The following PRKDC variants were observed in gnomAD, a reference collection of about 807,000 sequenced individuals.
PRKDC encodes the protein DNA-dependent protein kinase catalytic subunit.
Under a neutral mutation model 486.9 loss-of-function variants are expected in PRKDC, and 82 were observed. That is an observed-to-expected ratio of 0.17 (90% CI 0.14 to 0.20). PRKDC has a LOEUF of 0.20. Ranked by LOEUF, PRKDC falls within the 10% of genes least tolerant of loss-of-function variation. The pLI, the probability that PRKDC is intolerant of heterozygous loss-of-function variation, is 1.00. For synonymous variants in PRKDC, 1,895 were observed against 1,837.0 expected (o/e 1.03, Z -0.81); for missense variants, 4,504 against 5,038.2 (o/e 0.89, Z 3.21).
chr8:47,887,450 C>T, intron 35 of PRKDC, 97 bp downstream of exon 35: 1 of 1,210,876 alleles, frequency 8.3e-7, no homozygotes, highest in Non-Finnish European at 1.1e-6. Context: ...CAGCTAAAAC[C>T]TTACTACCCA....
Position 47,929,207 on chromosome 8 carries a change from C to A in PRKDC, c.2053-29G>T, listed in dbSNP as rs759541590. ...TCAAATAAAACAGCAAGTTAGTACA[C>A]TGAACAAGAATCGGGAGACTGTATC... On this transcript the variant is annotated intron_variant, in intron 18 of 85. Coordinates refer to ENST00000314191, the MANE Select transcript of PRKDC (RefSeq NM_006904.7). 4.8e-6 allele frequency: 7 copies of A among 1,443,314 alleles called. No individual in the cohort carries two copies. The African/African-American group carries it at 5.6e-5, about 12-fold the overall frequency. 89.4% of individuals were successfully genotyped at this position (1,443,314 alleles called of 1,614,324 possible). A position where few individuals can be genotyped will look rare whatever the true frequency, so the allele number is the denominator to read the frequency against.
At position 47,789,318 on chromosome 8, in the gene PRKDC, TAA is replaced by T. The variant is rs547822103; in HGVS notation, c.10671-82_10671-81del. 164 of 524,400 alleles carry T rather than the reference TAA, an allele frequency of 3.1e-4. 1 individual carries two copies. Among genetic ancestry groups the T allele is most frequent in the Middle Eastern group, 1.2e-3 (2 of 1,616 alleles). The allele number at this position is 524,400 out of a possible 1,614,324, so 32.5% of individuals were successfully genotyped here. On this transcript the variant is annotated intron_variant, in intron 74 of 85. Transcript: ENST00000314191. ...ATATATTTTATATACCATACATATATAAGTTATATATTATACATATATAAAAT... is the reference window on the plus strand; with the variant it reads ...ATATATTTTATATACCATACATATATGTTATATATTATACATATATAAAAT...
intron 63 of PRKDC, among the ~76,000 whole-genome samples, chr8:47,825,877 A>G (rs2087728309): frequency 6.6e-6 from 1 of 152,160 alleles, no homozygotes; most frequent in African/African-American, 2.4e-5. Flanking sequence ...TTTATGTGTA[A>G]AGTACATACA....
chr8:47,929,854 T>C lies in PRKDC; in HGVS notation c.2051A>G (p.Glu684Gly). 8 of 1,596,162 alleles carry C rather than the reference T, an allele frequency of 5.0e-6. No homozygotes were observed. The highest frequency in any genetic ancestry group is 6.8e-6 in the Non-Finnish European group (8 of 1,175,620). ...CAACATCCTGCAAGAAAGACTCACC[T>C]CGAAATATTTTATTTTCTTGGCATT... is the stretch of plus-strand genomic sequence containing the variant. The part of the protein sequence containing the change: ...VRNAKKIKYF[E>G]GVSPKSLKHS... The change falls in exon 18 of 86, where the codon GAG becomes GGG. Residue 684 changes from glutamate (E) to glycine (G), a missense_variant and splice_region_variant. This residue lies in a region of PRKDC where 1,969 missense variants were observed against 2,068.9 expected (regional missense o/e 0.95). Coordinates refer to ENST00000314191, the MANE Select transcript of PRKDC (RefSeq NM_006904.7).
chr8:47,786,107 A>G (rs963157132), intron 76 of PRKDC, among the ~76,000 whole-genome samples: 1 of 149,712 alleles, frequency 6.7e-6, no homozygotes, highest in Admixed American at 6.7e-5. Flanking sequence ...CTCCACCTCA[A>G]ATAAATAAAT....
chr8:47,858,312 C>T (rs940191630), intron 48 of PRKDC, among the ~76,000 whole-genome samples: 5 of 150,772 alleles, frequency 3.3e-5, no homozygotes, highest in African/African-American at 1.2e-4. Flanking sequence ...ATGTTAAAAA[C>T]GATAAAAGAA....
intron 22 of PRKDC, among the ~76,000 whole-genome samples, chr8:47,917,694 C>T (rs897892425): frequency 1.3e-5 from 2 of 152,094 alleles, no homozygotes; most frequent in Admixed American, 6.5e-5. Flanking sequence ...GAAAGTCTTA[C>T]ATATCCCTGG....
intron 14 of PRKDC, 80 bp downstream of exon 14, chr8:47,934,929 T>C: frequency 8.3e-7 from 1 of 1,203,102 alleles, no homozygotes; most frequent in Non-Finnish European, 1.2e-6. Context: ...TTTTGCAAAA[T>C]TATATTCGAA....
intron 7 of PRKDC, among the ~76,000 whole-genome samples, chr8:47,952,238 G>A (rs1300487526): frequency 1.3e-5 from 2 of 152,048 alleles, no homozygotes; most frequent in African/African-American, 4.8e-5. Context: ...ACGGATGAAT[G>A]AATCAACAAA....
At chr8:47,816,110 G>C (rs895079888) in intron 68 of PRKDC, among the ~76,000 whole-genome samples, 5 of 151,990 alleles carry the variant, frequency 3.3e-5, no homozygotes, top group Admixed American at 2.6e-4. Flanking sequence ...GCTACTTGGG[G>C]GGTTGAGGCA....
At chr8:47,777,067 T>C in intron 84 of PRKDC, 84 bp from the exon 85 acceptor site, 3 of 1,484,350 alleles carry the variant, frequency 2.0e-6, no homozygotes, top group Admixed American at 4.4e-5. Context: ...AGTAATGATC[T>C]TAAAGTAAAC....
intron 68 of PRKDC, 132 bp downstream of exon 68, chr8:47,817,318 G>C: frequency 1.5e-6 from 1 of 650,870 alleles, no homozygotes; most frequent in Admixed American, 2.7e-5. Context: ...ACTTACATGG[G>C]AAACAGGAAG....
rs1297696479 is a variant in PRKDC at position 47,934,994 on chromosome 8, A to T, written c.1497+15T>A. The T allele has an allele frequency of 6.7e-7, 1 of 1,492,114 alleles. No individual in the cohort carries two copies. The highest frequency in any genetic ancestry group is 1.4e-5 in the African/African-American group (1 of 71,462). 92.4% of individuals were successfully genotyped at this position (1,492,114 alleles called of 1,614,324 possible). A position where few individuals can be genotyped will look rare whatever the true frequency, so the allele number is the denominator to read the frequency against. The stretch of plus-strand genomic sequence containing the variant: ...ATAACAGATTAATTTTCTAAACATT[A>T]AATTCAGAATTTACCTTTGGAAGGA... On this transcript the variant is annotated intron_variant, in intron 14 of 85. Coordinates refer to ENST00000314191, the MANE Select transcript of PRKDC (RefSeq NM_006904.7).
chr8:47,798,466 T>G (rs2087026457), intron 72 of PRKDC, 69 bp from the exon 73 acceptor site: 1 of 1,427,490 alleles, frequency 7.0e-7, no homozygotes, highest in African/African-American at 1.4e-5. Context: ...TGATGTTAAA[T>G]GCTAACACTT....
At chr8:47,907,761 C>T (rs746837413) in intron 25 of PRKDC, among the ~76,000 whole-genome samples, 4 of 152,040 alleles carry the variant, frequency 2.6e-5, no homozygotes, top group Non-Finnish European at 5.9e-5. Flanking sequence ...TCTCAAACTC[C>T]TGACCCCCGG....
At chr8:47,860,385 C>A (rs890005432) in intron 45 of PRKDC, among the ~76,000 whole-genome samples, 1 of 152,144 alleles carries the variant, frequency 6.6e-6, no homozygotes, top group Non-Finnish European at 1.5e-5. Flanking sequence ...GCAGGCCTGG[C>A]GCCTACAAGG....
chr8:47,774,420 T>C (rs1180501805), intron 85 of PRKDC, 43 bp from the exon 86 acceptor site: 1 of 1,563,990 alleles, frequency 6.4e-7, no homozygotes. Context: ...CATGTGTCAT[T>C]GTCCTTTGTT....
intron 15 of PRKDC, among the ~76,000 whole-genome samples, chr8:47,933,559 C>T (rs1169197256): frequency 1.3e-5 from 2 of 152,176 alleles, no homozygotes; most frequent in Non-Finnish European, 2.9e-5. Context: ...CATGTAAGTA[C>T]ATGCACATAT....
At chr8:47,891,863 T>A (rs2089466665) in intron 31 of PRKDC, among the ~76,000 whole-genome samples, 1 of 152,182 alleles carries the variant, frequency 6.6e-6, no homozygotes, top group South Asian at 2.1e-4. Context: ...CTTATTTATG[T>A]GAACAAGTTT....
Sources: gnomAD v4.1 joint callset for allele counts (sites outside exome capture counted in the v4.1 genomes callset) on GRCh38, gnomAD v4.1.1 for gene constraint, gnomAD v4.1.1 regional missense constraint, MANE v1.5 for transcripts, NCBI Gene and HGNC (gene_info 2026-07-23, HGNC 2026-07-21) for gene names.